Variants in TLR10 observed in about 807,000 individuals in gnomAD.
TLR10 encodes the protein toll-like receptor 10.
For missense variants in TLR10, 929 were observed against 932.9 expected, an observed-to-expected ratio of 1.00 and a Z score of 0.05; for synonymous variants, 288 against 338.8, an observed-to-expected ratio of 0.85 and a Z score of 1.65.
rs1438475754 is a variant in TLR10 at position 38,773,938 on chromosome 4, G to A, written c.1653C>T (p.Tyr551=). The A allele has an allele frequency of 1.3e-6, 2 of 1,581,694 alleles. No individual in the cohort carries two copies. The highest frequency in any genetic ancestry group is 1.7e-6 in the Non-Finnish European group (2 of 1,164,076). Residue 551 remains tyrosine (Y), a synonymous_variant, in exon 4 of 4, where the codon TAC becomes TAT. Coordinates refer to ENST00000308973, the MANE Select transcript of TLR10 (RefSeq NM_030956.4). ...EVMMVGWSDS[Y]TCEYPLNLRG... ...TTAGGTTTAAAGGGTATTCACAGGT[G>A]TATGAATCTGACCATCCAACCATCA...
chr4:38,774,255 G>T lies in TLR10; in HGVS notation c.1336C>A (p.Gln446Lys). Residue 446 changes from glutamine to lysine, a missense_variant, in exon 4 of 4, where the codon CAA becomes AAA. By Grantham distance (53) the Gln-to-Lys change is moderately conservative (BLOSUM62 1). Transcript: ENST00000308973. ...SVFRCLPKSI[Q>K]ILDLNNNQIQ... The stretch of plus-strand genomic sequence containing the variant: ...TGGTTATTATTTAGGTCAAGTATTT[G>T]AATACTTTTGGGCAAGCACCTGAAG... The T allele has an allele frequency of 6.2e-7, 1 of 1,613,896 alleles. No homozygotes were observed. Among genetic ancestry groups the T allele is most frequent in the South Asian group, 1.1e-5 (1 of 91,040 alleles).
chr4:38,778,500 T>C (rs2109318131), intron 1 of TLR10, among the ~76,000 whole-genome samples: 1 of 152,226 alleles, frequency 6.6e-6, no homozygotes, highest in African/African-American at 2.4e-5. Flanking sequence ...TGGAAATGAC[T>C]GGGAGCCACA....
At position 38,773,387 on chromosome 4, in the gene TLR10, A is replaced by C. The variant is rs1724772568; in HGVS notation, c.2204T>G (p.Phe735Cys). 1 of 1,613,870 alleles carries C rather than the reference A, an allele frequency of 6.2e-7. No homozygotes were observed. The highest frequency in any genetic ancestry group is 1.1e-5 in the South Asian group (1 of 91,008). ...ATGATACCTGGTGGGAATGCAATAG[A>C]ATGGAATGGGTTCCAGTAAGATAAG... Reference protein sequence around the residue: ...IILILLEPIPFYCIPTRYHKL... With the variant: ...IILILLEPIPCYCIPTRYHKL... The change falls in exon 4 of 4, where the codon TTC (phenylalanine) becomes TGC (cysteine). Residue 735 changes from phenylalanine (F) to cysteine (C), a missense_variant. By Grantham distance (205) the Phe-to-Cys change is radical (BLOSUM62 -2). Transcript: ENST00000308973.
chr4:38,775,595 T>C lies in TLR10; in HGVS notation c.-5A>G. ...AATGTTTCTGATGAGTCTCATTGTA[T>C]TTCCAAGGATTTTACCACTTATTTC... On this transcript the variant is annotated 5_prime_UTR_variant, in exon 4 of 4. Transcript: ENST00000308973. 6.3e-7 allele frequency: 1 copy of C among 1,585,462 alleles called. No individual in the cohort carries two copies. The highest frequency in any genetic ancestry group is 2.2e-5 in the East Asian group (1 of 44,590).
chr4:38,781,478 G>A (rs1323212442), intron 1 of TLR10, among the ~76,000 whole-genome samples: 1 of 152,034 alleles, frequency 6.6e-6, no homozygotes, highest in Admixed American at 6.6e-5. Flanking sequence ...GGGATTACAG[G>A]CACCTGCCAT....
chr4:38,781,657 T>G (rs903100678), intron 1 of TLR10, among the ~76,000 whole-genome samples: 4 of 152,210 alleles, frequency 2.6e-5, no homozygotes, highest in Non-Finnish European at 5.9e-5. Flanking sequence ...TCTTATAATT[T>G]AAAAGTCCAA....
At position 38,773,875 on chromosome 4, in the gene TLR10, T is replaced by C. The variant is rs1724823102; in HGVS notation, c.1716A>G (p.Leu572=). Residue 572 remains leucine (L), a synonymous_variant, in exon 4 of 4, where the codon TTA becomes TTG. Coordinates refer to ENST00000308973, the MANE Select transcript of TLR10 (RefSeq NM_030956.4). ...TRLKDVHLHE[L]SCNTALLIVT... ...CAATCAACAGAGCTGTGTTGCAAGATAATTCGTGGAGATGAACGTCTTTTA... is the reference window on the plus strand; with the variant it reads ...CAATCAACAGAGCTGTGTTGCAAGACAATTCGTGGAGATGAACGTCTTTTA... The C allele has an allele frequency of 1.3e-6, 2 of 1,593,290 alleles. No homozygotes were observed. The highest frequency in any genetic ancestry group is 1.7e-6 in the Non-Finnish European group (2 of 1,170,574).
In TLR10 at chr4:38,774,298, A is replaced by T; in HGVS notation, c.1293T>A (p.Asn431Lys). The T allele has an allele frequency of 6.2e-7, 1 of 1,612,738 alleles. No individual in the cohort carries two copies. Among genetic ancestry groups the T allele is most frequent in the African/African-American group, 1.3e-5 (1 of 74,990 alleles). The change falls in exon 4 of 4, where the codon AAT becomes AAA. Residue 431 changes from asparagine (N) to lysine (K), a missense_variant. By Grantham distance (94) the Asn-to-Lys change is moderately conservative. Coordinates refer to ENST00000308973, the MANE Select transcript of TLR10 (RefSeq NM_030956.4). ...ACCTGAAGACAGAATCAGACAATTT[A>T]TTGTATGACAGATTCATATTGACCA... ...ETVVNMNLSY[N>K]KLSDSVFRCL... is the part of the protein sequence containing the mutation.
rs760428598 is a variant in TLR10, at chr4:38,775,410, A to G, written c.181T>C (p.Phe61Leu). The stretch of plus-strand genomic sequence containing the variant: ...TGAAAATCTGAACTCTGGAGTTGAA[A>G]AAGGAGGTTATAGGATAAATCCAGT... ...TTLDLSYNLL[F>L]QLQSSDFHSV... Residue 61 changes from phenylalanine to leucine, a missense_variant, in exon 4 of 4, where the codon TTT becomes CTT. Phe to Leu is a conservative substitution (Grantham distance 22). Coordinates refer to ENST00000308973, the MANE Select transcript of TLR10 (RefSeq NM_030956.4). 1.2e-6 allele frequency: 2 copies of G among 1,614,128 alleles called. No homozygotes were observed. The highest frequency in any genetic ancestry group is 2.2e-5 in the South Asian group (2 of 91,080).
At chr4:38,780,840 A>C (rs1725365177) in intron 1 of TLR10, among the ~76,000 whole-genome samples, 1 of 152,218 alleles carries the variant, frequency 6.6e-6, no homozygotes, top group Admixed American at 6.5e-5. Context: ...ATGGCTTGAT[A>C]GGACCCTGGC....
rs759518971 is a variant in TLR10 at position 38,774,054 on chromosome 4, C to A, written c.1537G>T (p.Glu513Ter). Reference sequence around the variant, plus strand: ...CTTCCCGCATTTAGAGTTTTAACTTCCTGGCAGCTCTGAACAAAATCCAGA... The same window carrying A: ...CTTCCCGCATTTAGAGTTTTAACTTACTGGCAGCTCTGAACAAAATCCAGA... ...PSLDFVQSCQ[E>*]VKTLNAGRNP... Residue 513 changes from glutamate (E) to a stop codon, truncating the protein, a stop_gained, in exon 4 of 4, where the codon GAA (glutamate) becomes TAA (stop). Transcript: ENST00000308973. LOFTEE classifies it low-confidence loss of function (END_TRUNC). The A allele has an allele frequency of 1.9e-6, 3 of 1,611,824 alleles. No individual in the cohort carries two copies. The African/African-American group carries it at 4.0e-5, about 22-fold the overall frequency.
chr4:38,773,691 A>T lies in TLR10; in HGVS notation c.1900T>A (p.Phe634Ile). The change falls in exon 4 of 4, where the codon TTC becomes ATC. Residue 634 changes from phenylalanine (F) to isoleucine (I), a missense_variant. By Grantham distance (21) the Phe-to-Ile change is conservative. Coordinates refer to ENST00000308973, the MANE Select transcript of TLR10 (RefSeq NM_030956.4). ...TQEQLKRNVR[F>I]HAFISYSEHD... ...TCACTGTATGAAATAAATGCGTGGAATCGGACATTTCTCTTGAGTTGTTCT... is the reference window on the plus strand; with the variant it reads ...TCACTGTATGAAATAAATGCGTGGATTCGGACATTTCTCTTGAGTTGTTCT... 1 of 1,613,624 alleles carries T rather than the reference A, an allele frequency of 6.2e-7. No homozygotes were observed. The highest frequency in any genetic ancestry group is 8.5e-7 in the Non-Finnish European group (1 of 1,179,808).
chr4:38,781,065 C>A (rs1026389321), intron 1 of TLR10, among the ~76,000 whole-genome samples: 1 of 152,298 alleles, frequency 6.6e-6, no homozygotes, highest in Non-Finnish European at 1.5e-5. Flanking sequence ...ATACCACAGT[C>A]TTATCTGGGA....
At position 38,774,628 on chromosome 4, in the gene TLR10, C is replaced by T; in HGVS notation, c.963G>A (p.Leu321=). ...VFYIQQDKIY[L]LLTKMDIENL... is the part of the protein sequence containing the mutation. ...TTTCTATGTCCATTTTGGTCAAAAG[C>T]AAATAGATTTTATCCTGTTGAATGT... The change falls in exon 4 of 4, where the codon TTG becomes TTA. Residue 321 remains leucine, a synonymous_variant. Transcript: ENST00000308973. 1 of 1,581,006 alleles carries T rather than the reference C, an allele frequency of 6.3e-7. No individual in the cohort carries two copies. The highest frequency in any genetic ancestry group is 1.4e-5 in the African/African-American group (1 of 73,354).
At chr4:38,775,712 T>C in intron 3 of TLR10, 60 bp from the exon 4 acceptor site, 1 of 1,058,698 alleles carries the variant, frequency 9.4e-7, no homozygotes, top group African/African-American at 1.6e-5. Flanking sequence ...GTAGGATTTT[T>C]ATTTGCAAAA....
chr4:38,778,286 G>A (rs1186105770), intron 1 of TLR10, among the ~76,000 whole-genome samples: 7 of 152,118 alleles, frequency 4.6e-5, no homozygotes, highest in Non-Finnish European at 7.4e-5. Flanking sequence ...CTGTCAGGGG[G>A]TGGGGGGCTA....
chr4:38,772,985 G>A lies in TLR10; in HGVS notation c.*170C>T. ...TTTTTCCATAAGCCCTTATAAACTT[G>A]TGAAGGTGTTTCTATAGGATACATT... is the stretch of plus-strand genomic sequence containing the variant. On this transcript the variant is annotated 3_prime_UTR_variant, in exon 4 of 4. Transcript: ENST00000308973. 2 of 552,224 alleles carry A rather than the reference G, an allele frequency of 3.6e-6. No homozygotes were observed. 34.2% of individuals were successfully genotyped at this position (552,224 alleles called of 1,614,324 possible).
At chr4:38,780,792 C>T (rs1725360276) in intron 1 of TLR10, among the ~76,000 whole-genome samples, 1 of 152,194 alleles carries the variant, frequency 6.6e-6, no homozygotes. Context: ...AAGACAGGAT[C>T]AGTATTGCTG....
rs779567827 is a variant in TLR10, at chr4:38,775,049, T to C, written c.542A>G (p.Glu181Gly). ...FLGFRTLPHY[E>G]EGSLPILNTT... ...GTTTAAGATGGGCAGGCTACCTTCT[T>C]CATAATGAGGAAGAGTTCTGAATCC... The change falls in exon 4 of 4, where the codon GAA (glutamate) becomes GGA (glycine). Residue 181 changes from glutamate to glycine, a missense_variant. Physicochemically the swap from Glu to Gly is moderately conservative, Grantham distance 98. Transcript: ENST00000308973. 3.1e-6 allele frequency: 5 copies of C among 1,612,318 alleles called. No individual in the cohort carries two copies. In the East Asian group the frequency reaches 1.1e-4, roughly 36 times the overall value.
Sources: gnomAD v4.1 joint callset for allele counts (sites outside exome capture counted in the v4.1 genomes callset) on GRCh38, gnomAD v4.1.1 for gene constraint, MANE v1.5 for transcripts, NCBI Gene and HGNC (gene_info 2026-07-23, HGNC 2026-07-21) for gene names.